Variants in CAMK4 observed in about 807,000 individuals in gnomAD.
CAMK4 encodes the protein calcium/calmodulin dependent protein kinase IV.
In CAMK4, 22 loss-of-function variants were observed where a neutral mutation model predicts 44.9. The ratio of observed to expected loss-of-function variants is 0.49; its 90% CI spans 0.35 to 0.70. The LOEUF (loss-of-function observed/expected upper bound fraction) is 0.70. Among genes scored for constraint, CAMK4 ranks in the 30% least tolerant of loss-of-function variants. CAMK4 has a pLI of 0.01. For synonymous variants in CAMK4, 218 were observed against 215.4 expected (o/e 1.01, Z -0.11); for missense variants, 498 against 586.8 (o/e 0.85, Z 1.56).
intron 1 of CAMK4, among the ~76,000 whole-genome samples, chr5:111,255,823 T>A (rs1281412113): frequency 6.6e-6 from 1 of 152,234 alleles, no homozygotes; most frequent in Non-Finnish European, 1.5e-5. Flanking sequence ...TGCTCACCAC[T>A]GTTTTATACC....
At chr5:111,405,942 T>C (rs1157130004) in intron 5 of CAMK4, among the ~76,000 whole-genome samples, 1 of 152,202 alleles carries the variant, frequency 6.6e-6, no homozygotes, top group Non-Finnish European at 1.5e-5. Context: ...GAGTGTTACA[T>C]ATATGAAGAG....
At position 111,487,289 on chromosome 5, in the gene CAMK4, T is replaced by G. The variant is rs188426034; in HGVS notation, c.*2823T>G. On this transcript the variant is annotated 3_prime_UTR_variant, in exon 11 of 11. Coordinates refer to ENST00000282356, the MANE Select transcript of CAMK4 (RefSeq NM_001744.6). Reference sequence around the variant, plus strand: ...TCACATTACATTATGGGTTTTTATTTTGAGATAAGTTCAGCTACATAGCAT... The same window carrying G: ...TCACATTACATTATGGGTTTTTATTGTGAGATAAGTTCAGCTACATAGCAT... The G allele has an allele frequency of 1.3e-5, 2 of 152,206 alleles. No homozygotes were observed. Among genetic ancestry groups the G allele is most frequent in the Non-Finnish European group, 2.9e-5 (2 of 68,028 alleles). 9.4% of individuals were successfully genotyped at this position (152,206 alleles called of 1,614,324 possible).
chr5:111,449,103 A>C, intron 6 of CAMK4, 26 bp from the exon 7 acceptor site: 3 of 1,033,100 alleles, frequency 2.9e-6, no homozygotes, highest in Admixed American at 2.0e-5. Flanking sequence ...GACGTGCTTC[A>C]TTAAATTTTT....
chr5:111,425,516 A>T (rs1170568647), intron 5 of CAMK4, among the ~76,000 whole-genome samples: 1 of 152,204 alleles, frequency 6.6e-6, no homozygotes, highest in Non-Finnish European at 1.5e-5. Context: ...GTCTAGCCAC[A>T]AATAGAAAGA....
At chr5:111,308,031 A>C (rs545007312) in intron 1 of CAMK4, among the ~76,000 whole-genome samples, 26 of 107,378 alleles carry the variant, frequency 2.4e-4, no homozygotes, top group Admixed American at 1.1e-3. Flanking sequence ...ATTCTCACTC[A>C]TAGGTGGGAA....
rs1441607189 is a variant in CAMK4 at position 111,284,109 on chromosome 5, CT to C, written c.161+59468del. Among the ~76,000 whole-genome samples, 63 of 152,308 alleles carry C rather than the reference CT, an allele frequency of 4.1e-4. 1 individual carries two copies. Among genetic ancestry groups the C allele is most frequent in the African/African-American group, 1.4e-3 (59 of 41,578 alleles). ...TGAGGTAAAAATTATAGTATCCCTT[CT>C]TTAAATCTGCTATCACAAATTATTT... On this transcript the variant is annotated intron_variant, in intron 1 of 10. Transcript: ENST00000282356.
At chr5:111,410,092 T>C (rs146142534) in intron 5 of CAMK4, among the ~76,000 whole-genome samples, 1 of 152,292 alleles carries the variant, frequency 6.6e-6, no homozygotes, top group East Asian at 1.9e-4. Flanking sequence ...TTCCACATTT[T>C]TGGGTATCTT....
At chr5:111,397,875 G>A (rs938134641) in intron 5 of CAMK4, among the ~76,000 whole-genome samples, 6 of 152,114 alleles carry the variant, frequency 3.9e-5, no homozygotes, top group East Asian at 1.9e-4. Context: ...TCAGTCTACC[G>A]CCCTCCTCTT....
rs576203737 is a variant in CAMK4 at position 111,292,536 on chromosome 5, G to GA, written c.162-51483dup. Among the ~76,000 whole-genome samples, 56 of 152,102 alleles carry GA rather than the reference G, an allele frequency of 3.7e-4. No individual in the cohort carries two copies. In the East Asian group the frequency reaches 0.01, roughly 28 times the overall value. On this transcript the variant is annotated intron_variant, in intron 1 of 10. Coordinates refer to ENST00000282356, the MANE Select transcript of CAMK4 (RefSeq NM_001744.6). ...TGGTGAAAGCAAGACTATAACCTCA[G>GA]AAAAAGACATATTTTTCTCTGTTTA...
In CAMK4 at chr5:111,397,693, T is replaced by TGTGTGTG. The variant is rs1580699606; in HGVS notation, c.459+2911_459+2912insGTGTGTG. On this transcript the variant is annotated intron_variant, in intron 5 of 10. Transcript: ENST00000282356. ...TGTGTGTGTGTGTGTGTGTGTGTGT[T>TGTGTGTG]TGCAGTTTACCCACCTGGATTCATG... 9.4e-3 allele frequency among the ~76,000 whole-genome samples: 1,028 copies of TGTGTGTG among 109,286 alleles called. 17 individuals are homozygous for TGTGTGTG. Among genetic ancestry groups the TGTGTGTG allele is most frequent in the African/African-American group, 0.032 (774 of 23,938 alleles). 71.7% of individuals were successfully genotyped at this position (109,286 alleles called of 152,430 possible).
Position 111,487,983 on chromosome 5 carries a change from C to G in CAMK4, c.*3517C>G, listed in dbSNP as rs1270097914. On this transcript the variant is annotated 3_prime_UTR_variant, in exon 11 of 11. Coordinates refer to ENST00000282356, the MANE Select transcript of CAMK4 (RefSeq NM_001744.6). ...AGAACGGGCATTACTAAATTATCTA[C>G]TGACCAATCCCTCTGATTCCTGATG... 6.6e-6 allele frequency: 1 copy of G among 152,206 alleles called. No individual in the cohort carries two copies. The highest frequency in any genetic ancestry group is 1.5e-5 in the Non-Finnish European group (1 of 68,034). 9.4% of individuals were successfully genotyped at this position (152,206 alleles called of 1,614,324 possible). A position where few individuals can be genotyped will look rare whatever the true frequency, so the allele number is the denominator to read the frequency against.
At chr5:111,347,620 A>G (rs1749922687) in intron 2 of CAMK4, among the ~76,000 whole-genome samples, 1 of 151,916 alleles carries the variant, frequency 6.6e-6, no homozygotes, top group Admixed American at 6.6e-5. Flanking sequence ...TCACATGGCC[A>G]TCTTCTCCCT....
chr5:111,330,086 C>A (rs1168893424), intron 1 of CAMK4, among the ~76,000 whole-genome samples: 1 of 114,270 alleles, frequency 8.8e-6, no homozygotes, highest in Non-Finnish European at 2.0e-5. Flanking sequence ...AATTCTACTC[C>A]CCACCACCCC....
chr5:111,232,414 A>C lies in CAMK4; in HGVS notation c.161+7770A>C, dbSNP rs191306946. On this transcript the variant is annotated intron_variant, in intron 1 of 10. Coordinates refer to ENST00000282356, the MANE Select transcript of CAMK4 (RefSeq NM_001744.6). ...GGATTTTAATAGGTAGAGCACTGGCAAACAGCATGTCAGGCAGATGGTACA... is the reference window on the plus strand; with the variant it reads ...GGATTTTAATAGGTAGAGCACTGGCCAACAGCATGTCAGGCAGATGGTACA... Among the ~76,000 whole-genome samples, 171 of 152,272 alleles carry C rather than the reference A, an allele frequency of 1.1e-3. 1 individual carries two copies. The highest frequency in any genetic ancestry group is 3.8e-3 in the African/African-American group (156 of 41,550).
chr5:111,357,163 C>T (rs1750398202), intron 2 of CAMK4, among the ~76,000 whole-genome samples: 1 of 152,056 alleles, frequency 6.6e-6, no homozygotes, highest in Non-Finnish European at 1.5e-5. Context: ...GATATATAAC[C>T]AACTAAAAAC....
Position 111,281,848 on chromosome 5 carries a change from G to A in CAMK4, c.161+57204G>A, listed in dbSNP as rs1443432803. Among the ~76,000 whole-genome samples, 5 of 151,948 alleles carry A rather than the reference G, an allele frequency of 3.3e-5. No individual in the cohort carries two copies. The East Asian group carries it at 7.7e-4, about 23-fold the overall frequency. On this transcript the variant is annotated intron_variant, in intron 1 of 10. Transcript: ENST00000282356. Reference sequence around the variant, plus strand: ...CCGAGGCGGGCGGATCACGAGGTCAGGAGATCGAGACCATCCTGGCTAACA... The same window carrying A: ...CCGAGGCGGGCGGATCACGAGGTCAAGAGATCGAGACCATCCTGGCTAACA...
intron 1 of CAMK4, among the ~76,000 whole-genome samples, chr5:111,314,361 T>C (rs1748333278): frequency 6.6e-6 from 1 of 152,096 alleles, no homozygotes; most frequent in East Asian, 1.9e-4. Context: ...TCCAACATTT[T>C]TGCAATCATG....
rs1354273259 is a variant in CAMK4 at position 111,384,519 on chromosome 5, A to C, written c.386+7577A>C. Among the ~76,000 whole-genome samples, 4 of 152,194 alleles carry C rather than the reference A, an allele frequency of 2.6e-5. No individual in the cohort carries two copies. The East Asian group carries it at 5.8e-4, about 22-fold the overall frequency. On this transcript the variant is annotated intron_variant, in intron 4 of 10. Coordinates refer to ENST00000282356, the MANE Select transcript of CAMK4 (RefSeq NM_001744.6). ...AAAACTGTATTTTCAGCAGTCTACTAGGCTTCTCACCAAGTCCCATTAGCA... is the reference window on the plus strand; with the variant it reads ...AAAACTGTATTTTCAGCAGTCTACTCGGCTTCTCACCAAGTCCCATTAGCA...
chr5:111,356,695 G>A (rs1580644259), intron 2 of CAMK4, among the ~76,000 whole-genome samples: 1 of 152,126 alleles, frequency 6.6e-6, no homozygotes, highest in East Asian at 1.9e-4. Context: ...GTGTAAGGAA[G>A]GGATCCAGTT....
Sources: gnomAD v4.1 joint callset for allele counts (sites outside exome capture counted in the v4.1 genomes callset) on GRCh38, gnomAD v4.1.1 for gene constraint, MANE v1.5 for transcripts, NCBI Gene and HGNC (gene_info 2026-07-23, HGNC 2026-07-21) for gene names.